Variants in TRIM5 observed in about 807,000 individuals in gnomAD.
TRIM5 encodes the protein tripartite motif containing 5, also known as tripartite motif-containing protein 5.
In TRIM5, 31 loss-of-function variants were observed where a neutral mutation model predicts 35.6. The ratio of observed to expected loss-of-function variants is 0.87; its 90% CI spans 0.65 to 1.18. The LOEUF (loss-of-function observed/expected upper bound fraction) is 1.18, where lower values mean the gene tolerates loss of function less well. Ranked by LOEUF, TRIM5 falls within the 50% of genes most tolerant of loss-of-function variation. The pLI is 0.00. For missense variants in TRIM5, 609 were observed against 591.6 expected (o/e 1.03, Z -0.31); for synonymous variants, 243 against 215.6 (o/e 1.13, Z -1.11).
At chr11:5,598,592 A>T in the TRIM5 span, among the ~76,000 whole-genome samples, 5 of 152,182 alleles carry the variant, frequency 3.3e-5, no homozygotes, top group African/African-American at 1.2e-4. Context: ...TGATCAACAT[A>T]AAAAAATTAA....
chr11:5,681,573 C>G (rs1852451026), intron 1 of TRIM5, among the ~76,000 whole-genome samples: 1 of 152,164 alleles, frequency 6.6e-6, no homozygotes, highest in Non-Finnish European at 1.5e-5. Flanking sequence ...CCTGCTAAAT[C>G]ATTAAGGTTT....
intron 4 of TRIM5, among the ~76,000 whole-genome samples, chr11:5,668,329 T>C (rs977731898): frequency 5.9e-5 from 9 of 152,154 alleles, no homozygotes; most frequent in Admixed American, 2.6e-4. Flanking sequence ...TATAAACTTA[T>C]TCTCCAGGCA....
At chr11:5,627,344 C>G in the TRIM5 span, among the ~76,000 whole-genome samples, 1 of 152,132 alleles carries the variant, frequency 6.6e-6, no homozygotes, top group African/African-American at 2.4e-5. Flanking sequence ...CATGCCACCA[C>G]ACTCCAACCT....
chr11:5,657,403 T>C, the TRIM5 span, among the ~76,000 whole-genome samples: 1 of 149,790 alleles, frequency 6.7e-6, no homozygotes, highest in Non-Finnish European at 1.5e-5. Flanking sequence ...GGTACGTGTA[T>C]ACCTGTGTAA....
chr11:5,628,355 T>C, the TRIM5 span, among the ~76,000 whole-genome samples: 3 of 152,198 alleles, frequency 2.0e-5, no homozygotes, highest in African/African-American at 7.2e-5. Flanking sequence ...TAAACAGGGG[T>C]GAATATTATC....
chr11:5,675,759 G>A (rs1199087725), intron 4 of TRIM5, among the ~76,000 whole-genome samples: 1 of 144,418 alleles, frequency 6.9e-6, no homozygotes, highest in Non-Finnish European at 1.5e-5. Context: ...GTGCAGGTTA[G>A]TTACATATGT....
At chr11:5,604,993 G>C in the TRIM5 span, among the ~76,000 whole-genome samples, 124 of 151,740 alleles carry the variant, frequency 8.2e-4, 3 homozygotes, top group East Asian at 0.014. Flanking sequence ...ATCTGAGACA[G>C]GTTAGTCACA....
chr11:5,662,944 C>A (rs921146984), downstream of TRIM5, among the ~76,000 whole-genome samples: 26 of 152,090 alleles, frequency 1.7e-4, no homozygotes, highest in African/African-American at 5.8e-4. Context: ...GCCTGGGCAA[C>A]ATAGTGAAAC....
the TRIM5 span, among the ~76,000 whole-genome samples, chr11:5,625,511 G>C: frequency 6.6e-6 from 1 of 152,186 alleles, no homozygotes. Flanking sequence ...TTAGCTCCTA[G>C]TATGTGGCGT....
intron 4 of TRIM5, among the ~76,000 whole-genome samples, chr11:5,672,479 G>C (rs915721663): frequency 6.6e-5 from 10 of 152,086 alleles, no homozygotes; most frequent in Non-Finnish European, 1.0e-4. Flanking sequence ...CCAAATTGCT[G>C]AGATTACAGG....
the TRIM5 span, among the ~76,000 whole-genome samples, chr11:5,648,702 A>T: frequency 6.6e-6 from 1 of 152,138 alleles, no homozygotes; most frequent in Non-Finnish European, 1.5e-5. Flanking sequence ...TAAAAAGTAG[A>T]AACAGTTTTC....
chr11:5,635,702 G>C, the TRIM5 span, among the ~76,000 whole-genome samples: 1 of 152,194 alleles, frequency 6.6e-6, no homozygotes, highest in African/African-American at 2.4e-5. Flanking sequence ...AAGCAGGAGA[G>C]TAACTGATTT....
At chr11:5,616,769 C>G in the TRIM5 span, among the ~76,000 whole-genome samples, 1 of 141,542 alleles carries the variant, frequency 7.1e-6, no homozygotes, top group Non-Finnish European at 1.5e-5. Context: ...GATGGAGTCT[C>G]CCTCCTGTTG....
At chr11:5,600,584 G>A in the TRIM5 span, among the ~76,000 whole-genome samples, 1 of 152,142 alleles carries the variant, frequency 6.6e-6, no homozygotes, top group Non-Finnish European at 1.5e-5. Flanking sequence ...TCTTCTAAGG[G>A]GAGTGTTGTT....
chr11:5,626,171 C>T, the TRIM5 span, among the ~76,000 whole-genome samples: 1 of 152,194 alleles, frequency 6.6e-6, no homozygotes, highest in African/African-American at 2.4e-5. Flanking sequence ...TAGTCAGGCA[C>T]AAGACCCAAC....
chr11:5,638,956 G>C, the TRIM5 span, among the ~76,000 whole-genome samples: 1 of 152,050 alleles, frequency 6.6e-6, no homozygotes, highest in Non-Finnish European at 1.5e-5. Context: ...ATGCCTTCAC[G>C]TGGGAGTGCA....
At chr11:5,676,720 A>C (rs574994381) in intron 4 of TRIM5, among the ~76,000 whole-genome samples, 2 of 150,050 alleles carry the variant, frequency 1.3e-5, no homozygotes, top group East Asian at 3.9e-4. Flanking sequence ...AGGCTACAGT[A>C]ACCAAAACAG....
chr11:5,680,203 G>A lies in TRIM5; in HGVS notation c.-26C>T. On this transcript the variant is annotated 5_prime_UTR_variant, in exon 2 of 8. Transcript: ENST00000380034. ...AGTAGCTATTCCACTGCTCCTGCCT[G>A]TCCTGGCTGCTGAGGTTCCTCTTGT... The A allele has an allele frequency of 6.4e-7, 1 of 1,555,496 alleles. No homozygotes were observed. Among genetic ancestry groups the A allele is most frequent in the Non-Finnish European group, 8.7e-7 (1 of 1,148,682 alleles).
chr11:5,631,942 TG>T, the TRIM5 span, among the ~76,000 whole-genome samples: 1 of 152,160 alleles, frequency 6.6e-6, no homozygotes, highest in Non-Finnish European at 1.5e-5. Context: ...ATGATGAGTT[TG>T]TGGTTGTGCT....
Sources: allele counts gnomAD v4.1 joint callset (sites outside exome capture counted in the v4.1 genomes callset), GRCh38; gene constraint gnomAD v4.1.1; transcripts MANE v1.5; gene names NCBI Gene and HGNC (gene_info 2026-07-23, HGNC 2026-07-21).